Variants in CAST observed in about 807,000 individuals in gnomAD.
CAST encodes the protein calpastatin.
CAST carries 76 observed loss-of-function variants against 119.6 expected under a neutral mutation model. The ratio of observed to expected loss-of-function variants is 0.64; its 90% CI spans 0.53 to 0.77. The LOEUF is 0.77. CAST is among the 30% of genes least tolerant of loss of function. The pLI, the probability that CAST is intolerant of heterozygous loss-of-function variation, is 0.00. For missense variants in CAST, 953 were observed against 946.5 expected, an observed-to-expected ratio of 1.01 and a Z score of -0.09; for synonymous variants, 319 against 331.6, an observed-to-expected ratio of 0.96 and a Z score of 0.41.
the CAST span, among the ~76,000 whole-genome samples, chr5:96,315,429 A>G: frequency 7.9e-5 from 12 of 152,316 alleles, no homozygotes; most frequent in East Asian, 2.3e-3. Flanking sequence ...ATAGTGAACA[A>G]TGTGAGGCCA....
At chr5:96,218,951 C>T in the CAST span, among the ~76,000 whole-genome samples, 2 of 152,212 alleles carry the variant, frequency 1.3e-5, no homozygotes, top group Admixed American at 6.5e-5. Flanking sequence ...CTTAAGGTCA[C>T]TAAATCTCAG....
chr5:96,760,669 A>G (rs1270985832), intron 24 of CAST: 1 of 151,970 alleles, frequency 6.6e-6, no homozygotes, highest in Non-Finnish European at 1.5e-5. Context: ...AACAGATGAG[A>G]AAATGTAATT....
the CAST span, among the ~76,000 whole-genome samples, chr5:96,185,388 A>G: frequency 2.0e-5 from 3 of 152,112 alleles, no homozygotes; most frequent in Admixed American, 6.6e-5. Context: ...TTTTGTTGCA[A>G]TTGCTTTTGC....
chr5:96,618,360 C>G (rs557813006), intron 1 of CAST, among the ~76,000 whole-genome samples: 1 of 152,232 alleles, frequency 6.6e-6, no homozygotes, highest in Non-Finnish European at 1.5e-5. Context: ...AACGTGCTAG[C>G]AGCCCTTGCT....
At chr5:96,607,457 G>A (rs1580843613) in intron 1 of CAST, among the ~76,000 whole-genome samples, 1 of 152,154 alleles carries the variant, frequency 6.6e-6, no homozygotes, top group Non-Finnish European at 1.5e-5. Flanking sequence ...ATAAAGGAGG[G>A]AATATCAAAA....
At chr5:96,632,338 A>G (rs1747832335) in intron 1 of CAST, among the ~76,000 whole-genome samples, 1 of 150,978 alleles carries the variant, frequency 6.6e-6, no homozygotes. Context: ...TTGACACACA[A>G]AATTTTTTAA....
At chr5:96,401,250 G>C in the CAST span, among the ~76,000 whole-genome samples, 1 of 152,182 alleles carries the variant, frequency 6.6e-6, no homozygotes, top group Non-Finnish European at 1.5e-5. Context: ...AAAACTTTGT[G>C]GGGGAGAAAT....
At chr5:96,709,940 T>C (rs906824717) in intron 3 of CAST, among the ~76,000 whole-genome samples, 2 of 152,200 alleles carry the variant, frequency 1.3e-5, no homozygotes, top group African/African-American at 2.4e-5. Flanking sequence ...TTGGGATCGA[T>C]GATGTCTACA....
At chr5:96,500,549 A>AT in the CAST span, among the ~76,000 whole-genome samples, 2 of 151,972 alleles carry the variant, frequency 1.3e-5, no homozygotes, top group African/African-American at 4.8e-5. Flanking sequence ...CACCATATTG[A>AT]TTTTCATCTT....
At chr5:96,222,888 A>T in the CAST span, among the ~76,000 whole-genome samples, 1 of 152,178 alleles carries the variant, frequency 6.6e-6, no homozygotes, top group East Asian at 1.9e-4. Context: ...ACTAATAAAG[A>T]GTACATGGTA....
chr5:96,332,687 G>A, the CAST span, among the ~76,000 whole-genome samples: 1 of 152,016 alleles, frequency 6.6e-6, no homozygotes, highest in South Asian at 2.1e-4. Flanking sequence ...GTGCAAGTCA[G>A]GGGGAGGATA....
intron 1 of CAST, among the ~76,000 whole-genome samples, chr5:96,559,295 CTA>C (rs1427010611): frequency 8.5e-5 from 13 of 152,118 alleles, no homozygotes; most frequent in Non-Finnish European, 1.8e-4. Context: ...TGAAAACTGG[CTA>C]AAGACAGGGA....
chr5:96,312,882 C>T, the CAST span, among the ~76,000 whole-genome samples: 1 of 152,072 alleles, frequency 6.6e-6, no homozygotes, highest in Non-Finnish European at 1.5e-5. Context: ...ACTTAAGTGA[C>T]CTTTTCCTCA....
At chr5:96,135,225 T>G in the CAST span, among the ~76,000 whole-genome samples, 1 of 152,210 alleles carries the variant, frequency 6.6e-6, no homozygotes, top group Admixed American at 6.5e-5. Context: ...AATATCACTC[T>G]GCTGTGAAAG....
At chr5:96,704,239 G>A (rs1754490376) in intron 3 of CAST, among the ~76,000 whole-genome samples, 1 of 152,206 alleles carries the variant, frequency 6.6e-6, no homozygotes, top group Admixed American at 6.5e-5. Context: ...ATTGGCTGTG[G>A]TTCAGTTCAG....
the CAST span, among the ~76,000 whole-genome samples, chr5:96,023,798 T>TA: frequency 1.4e-4 from 21 of 147,502 alleles, no homozygotes; most frequent in East Asian, 7.9e-4. Flanking sequence ...GAGTAGGAAT[T>TA]AAAAAAAAAA....
At chr5:96,650,231 T>G (rs557094021) in intron 1 of CAST, among the ~76,000 whole-genome samples, 2 of 152,188 alleles carry the variant, frequency 1.3e-5, no homozygotes, top group African/African-American at 2.4e-5. Context: ...GTACGAGGGA[T>G]GAGGGTCACT....
chr5:96,572,625 G>A (rs1580830084), intron 1 of CAST, among the ~76,000 whole-genome samples: 1 of 152,216 alleles, frequency 6.6e-6, no homozygotes, highest in African/African-American at 2.4e-5. Context: ...TGACGCTTTA[G>A]TGTTGGACTT....
the CAST span, among the ~76,000 whole-genome samples, chr5:96,266,181 G>A: frequency 3.3e-5 from 5 of 152,096 alleles, no homozygotes; most frequent in African/African-American, 1.2e-4. Flanking sequence ...AAGTGAAAAA[G>A]CCCTGAGCAG....
Sources: allele counts gnomAD v4.1 joint callset (sites outside exome capture counted in the v4.1 genomes callset), GRCh38; gene constraint gnomAD v4.1.1; transcripts MANE v1.5; gene names NCBI Gene and HGNC (gene_info 2026-07-23, HGNC 2026-07-21).